CACNA1C: variants seen among roughly 807,000 people sequenced by gnomAD.
CACNA1C encodes the protein voltage-dependent L-type calcium channel subunit alpha-1C.
Under a neutral mutation model 229.0 loss-of-function variants are expected in CACNA1C, and 30 were observed. The observed-to-expected ratio is 0.13, with a 90% CI of 0.10 to 0.18. The LOEUF (loss-of-function observed/expected upper bound fraction) is 0.18, where lower values mean the gene tolerates loss of function less well. CACNA1C is among the 10% of genes least tolerant of loss of function. CACNA1C has a pLI of 1.00. For missense variants in CACNA1C, 1,658 were observed against 2,845.0 expected (o/e 0.58, Z 9.49); for synonymous variants, 1,114 against 1,132.5 (o/e 0.98, Z 0.33).
chr12:2,608,889 C>A lies in CACNA1C; in HGVS notation c.3558+177C>A, dbSNP rs1283552663. Among the ~76,000 whole-genome samples, 3 of 152,208 alleles carry A rather than the reference C, an allele frequency of 2.0e-5. No individual in the cohort carries two copies. The highest frequency in any genetic ancestry group is 6.5e-5 in the Admixed American group (1 of 15,288). ...TTGAGGGACCTGTGCAAAAGAAATG[C>A]AAATTCCTGCAAACCCCAGATCTGG... is the stretch of plus-strand genomic sequence containing the variant. On this transcript the variant is annotated intron_variant, in intron 27 of 46. Transcript: ENST00000399655. This position sits in a 1 kb window ranked among gnomAD's most constrained non-coding sequence, Gnocchi z 4.2.
chr12:2,490,250 C>T (rs1179775316), intron 6 of CACNA1C, among the ~76,000 whole-genome samples: 1 of 152,178 alleles, frequency 6.6e-6, no homozygotes, highest in Non-Finnish European at 1.5e-5. Flanking sequence ...CGCAGATATT[C>T]GTAAAATCCC....
At chr12:2,283,492 C>G (rs2091965081) in intron 3 of CACNA1C, among the ~76,000 whole-genome samples, 1 of 152,212 alleles carries the variant, frequency 6.6e-6, no homozygotes, top group African/African-American at 2.4e-5. Context: ...CCTGCAGGGA[C>G]AGGGCATTAT....
intron 9 of CACNA1C, chr12:2,547,388 T>G (rs568904206): frequency 1.3e-6 from 1 of 768,018 alleles, no homozygotes; most frequent in South Asian, 1.4e-5. Context: ...CGTGGCTGAC[T>G]GCGTGTGCTC....
intron 9 of CACNA1C, among the ~76,000 whole-genome samples, chr12:2,543,009 C>G (rs2099875266): frequency 6.6e-6 from 1 of 152,190 alleles, no homozygotes; most frequent in Admixed American, 6.5e-5. Context: ...CTTAGCAAAT[C>G]TCTTGAGAGG....
rs2096960164 is a variant in CACNA1C, at chr12:2,678,858, A to AAAG, written c.5092-583_5092-581dup. 1.3e-5 allele frequency among the ~76,000 whole-genome samples: 2 copies of AAAG among 152,234 alleles called. No individual in the cohort carries two copies. Among genetic ancestry groups the AAAG allele is most frequent in the African/African-American group, 4.8e-5 (2 of 41,464 alleles). ...CTTGCCCACTTCCCCAGGACAAGGAAAAGAATACTGGGGAAAAACATTGGC... is the reference window on the plus strand; with the variant it reads ...CTTGCCCACTTCCCCAGGACAAGGAAAAGAAGAATACTGGGGAAAAACATTGGC... On this transcript the variant is annotated intron_variant, in intron 41 of 46. Coordinates refer to ENST00000399655, the MANE Select transcript of CACNA1C (RefSeq NM_000719.7). The surrounding 1 kb of genome is among the most constrained non-coding windows in gnomAD (Gnocchi z 4.1).
intron 3 of CACNA1C, among the ~76,000 whole-genome samples, chr12:2,330,908 G>A (rs1373890361): frequency 6.6e-6 from 1 of 152,206 alleles, no homozygotes; most frequent in African/African-American, 2.4e-5. Context: ...CTGACTGGGG[G>A]AGGACTTTAA....
intron 3 of CACNA1C, among the ~76,000 whole-genome samples, chr12:2,417,464 C>T (rs569335441): frequency 1.3e-5 from 2 of 152,314 alleles, no homozygotes; most frequent in South Asian, 4.1e-4. Context: ...TTTACCTTGT[C>T]TCTGGGGATA....
intron 18 of CACNA1C, among the ~76,000 whole-genome samples, chr12:2,591,651 A>C (rs1364969901): frequency 1.4e-4 from 21 of 152,016 alleles, no homozygotes; most frequent in Admixed American, 1.4e-3. Flanking sequence ...AGAGAGAGAG[A>C]GAGCATGAGG....
chr12:2,204,983 C>T (rs201077611), intron 3 of CACNA1C, among the ~76,000 whole-genome samples: 1 of 151,728 alleles, frequency 6.6e-6, no homozygotes, highest in East Asian at 1.9e-4. Context: ...AAAAAAAAAC[C>T]TCTTAGATAC....
At chr12:2,100,626 T>G (rs575952184) in intron 1 of CACNA1C, among the ~76,000 whole-genome samples, 1 of 138,946 alleles carries the variant, frequency 7.2e-6, no homozygotes, top group South Asian at 2.4e-4. Flanking sequence ...GCACGGTGAC[T>G]CATGCCTGTA....
intron 3 of CACNA1C, among the ~76,000 whole-genome samples, chr12:2,183,605 C>T (rs1037971157): frequency 1.3e-5 from 2 of 152,088 alleles, no homozygotes; most frequent in South Asian, 2.1e-4. Flanking sequence ...CAGAATGTCA[C>T]GGTCCCACAC....
At position 2,689,316 on chromosome 12, in the gene CACNA1C, C is replaced by T. The variant is rs2097690340; in HGVS notation, c.6117+537C>T. 6.6e-6 allele frequency among the ~76,000 whole-genome samples: 1 copy of T among 152,152 alleles called. No individual in the cohort carries two copies. The highest frequency in any genetic ancestry group is 6.5e-5 in the Admixed American group (1 of 15,280). Reference sequence around the variant, plus strand: ...CACATTATTAGGGACCTTTGACACACTGGAACAAACCCAACAGAGGATGAC... The same window carrying T: ...CACATTATTAGGGACCTTTGACACATTGGAACAAACCCAACAGAGGATGAC... On this transcript the variant is annotated intron_variant, in intron 46 of 46. Coordinates refer to ENST00000399655, the MANE Select transcript of CACNA1C (RefSeq NM_000719.7). The surrounding 1 kb of genome is among the most constrained non-coding windows in gnomAD (Gnocchi z 4.2).
intron 22 of CACNA1C, among the ~76,000 whole-genome samples, chr12:2,604,064 T>A (rs1001371700): frequency 3.0e-4 from 31 of 102,092 alleles, no homozygotes; most frequent in Admixed American, 3.0e-3. Flanking sequence ...GCAACAGGAG[T>A]CTGAGGATCT....
intron 3 of CACNA1C, among the ~76,000 whole-genome samples, chr12:2,439,480 T>TG (rs562293236): frequency 1.6e-4 from 25 of 151,986 alleles, no homozygotes; most frequent in African/African-American, 6.0e-4. Context: ...GCTGGGGCAG[T>TG]GGAAGTGAAG....
intron 1 of CACNA1C, among the ~76,000 whole-genome samples, chr12:2,003,670 T>G (rs961002703): frequency 6.6e-6 from 1 of 152,226 alleles, no homozygotes; most frequent in Non-Finnish European, 1.5e-5. Flanking sequence ...AATATCGAAC[T>G]TGGTGTGCTG....
At chr12:2,690,502 C>A (rs1569297947) in intron 46 of CACNA1C, among the ~76,000 whole-genome samples, 1 of 152,180 alleles carries the variant, frequency 6.6e-6, no homozygotes, top group Non-Finnish European at 1.5e-5. Context: ...GCTAATTATT[C>A]TTAAATTTTT....
At chr12:2,088,744 G>A (rs541077044) in intron 1 of CACNA1C, among the ~76,000 whole-genome samples, 1 of 152,236 alleles carries the variant, frequency 6.6e-6, no homozygotes, top group East Asian at 1.9e-4. Context: ...GACATGCGGA[G>A]AAGGACCTTC....
chr12:2,279,533 C>G (rs7972095), intron 3 of CACNA1C, among the ~76,000 whole-genome samples: 1,569 of 152,284 alleles, frequency 0.01, 19 homozygotes, highest in African/African-American at 0.036. Flanking sequence ...GTTATGCACC[C>G]TTGAAGACTT....
chr12:2,360,861 C>T (rs1046790947), intron 3 of CACNA1C, among the ~76,000 whole-genome samples: 2 of 151,402 alleles, frequency 1.3e-5, no homozygotes, highest in Non-Finnish European at 2.9e-5. Context: ...CATAACTTAT[C>T]CTAGGGAAGT....
Sources: gnomAD v4.1 joint callset for allele counts (sites outside exome capture counted in the v4.1 genomes callset) on GRCh38, gnomAD v4.1.1 for gene constraint, Gnocchi (gnomAD v3.1) non-coding constraint, MANE v1.5 for transcripts, NCBI Gene and HGNC (gene_info 2026-07-23, HGNC 2026-07-21) for gene names.